Variants in PNPLA7 observed in about 807,000 individuals in gnomAD.
PNPLA7 encodes the protein patatin like domain 7, lysophospholipase.
In PNPLA7, 153 loss-of-function variants were observed where a neutral mutation model predicts 161.7. The observed-to-expected ratio is 0.95, with a 90% confidence interval of 0.83 to 1.08. The LOEUF (loss-of-function observed/expected upper bound fraction) is 1.08. Ranked by LOEUF, PNPLA7 falls within the 50% of genes least tolerant of loss-of-function variation. The probability of loss-of-function intolerance (pLI) is 0.00; values close to 1 mark genes in which losing one functional copy is unlikely to be tolerated. For synonymous variants in PNPLA7, 809 were observed against 782.1 expected (o/e 1.03, Z -0.57); for missense variants, 1,739 against 1,856.6 (o/e 0.94, Z 1.16).
rs1415418226 is a variant in PNPLA7, at chr9:137,464,355, C to T, written c.3141G>A (p.Lys1047=). The T allele has an allele frequency of 1.2e-6, 2 of 1,613,716 alleles. No homozygotes were observed. The highest frequency in any genetic ancestry group is 1.7e-6 in the Non-Finnish European group (2 of 1,179,950). ...GFNSSIFSVF[K]DQQIEDLWIP... is the part of the protein sequence containing the mutation. ...GGGGGTGCACCTCGATCTGCTGGTC[C>T]TTGAAGACGCTGAAGATGCTGCTGT... is the stretch of plus-strand genomic sequence containing the variant. The change falls in exon 27 of 35, where the codon AAG becomes AAA. Residue 1047 remains lysine, a synonymous_variant. Coordinates refer to ENST00000406427, the MANE Select transcript of PNPLA7 (RefSeq NM_001098537.3).
At chr9:137,549,312 A>C (rs1398924031) in intron 1 of PNPLA7, among the ~76,000 whole-genome samples, 2 of 151,934 alleles carry the variant, frequency 1.3e-5, no homozygotes, top group Non-Finnish European at 2.9e-5. Flanking sequence ...TCATGCCTGT[A>C]ATCCCTGCAC....
intron 34 of PNPLA7, 45 bp from the exon 35 acceptor site, chr9:137,460,521 G>A (rs755058595): frequency 6.2e-7 from 1 of 1,603,874 alleles, no homozygotes; most frequent in Non-Finnish European, 8.5e-7. Context: ...GGCAGGGCAG[G>A]GGCTCTGCAG....
At chr9:137,474,626 A>G (rs1316119051) in intron 25 of PNPLA7, among the ~76,000 whole-genome samples, 1 of 152,172 alleles carries the variant, frequency 6.6e-6, no homozygotes, top group Non-Finnish European at 1.5e-5. Flanking sequence ...AATCTTCCAG[A>G]AAGTGGAACA....
In PNPLA7 at chr9:137,513,586, G is replaced by A. The variant is rs371950596; in HGVS notation, c.1225+1793C>T. ...ATAAGACCCAAAACACAAATCACAG[G>A]TGCCAAGGCAAAAAGCTGGCTTTCC... On this transcript the variant is annotated intron_variant, in intron 12 of 34. Transcript: ENST00000406427. Among the ~76,000 whole-genome samples, 22 of 152,270 alleles carry A rather than the reference G, an allele frequency of 1.4e-4. No individual in the cohort carries two copies. In the South Asian group the frequency reaches 4.1e-3, roughly 29 times the overall value.
intron 14 of PNPLA7, among the ~76,000 whole-genome samples, chr9:137,503,756 A>AG (rs372027039): frequency 7.0e-5 from 5 of 71,914 alleles, no homozygotes; most frequent in African/African-American, 3.0e-4. Flanking sequence ...AGAAGAAAGA[A>AG]AAGAAAGAAA....
intron 20 of PNPLA7, among the ~76,000 whole-genome samples, chr9:137,489,229 T>C (rs1832652283): frequency 6.6e-6 from 1 of 152,218 alleles, no homozygotes. Flanking sequence ...GTCTGAGAGC[T>C]GAAGATGGCG....
intron 21 of PNPLA7, among the ~76,000 whole-genome samples, chr9:137,483,525 G>T (rs947222562): frequency 1.3e-5 from 2 of 152,042 alleles, no homozygotes; most frequent in African/African-American, 4.8e-5. Flanking sequence ...TGCGATCTAG[G>T]CTCACTGCAA....
chr9:137,481,890 C>G lies in PNPLA7; in HGVS notation c.2348-867G>C, dbSNP rs572012734. On this transcript the variant is annotated intron_variant, in intron 21 of 34. Transcript: ENST00000406427. Reference sequence around the variant, plus strand: ...GGTGGAGCTTGCAGTGAGCTGAGATCGCGCCACTGCACTCCAGCCTGGACA... The same window carrying G: ...GGTGGAGCTTGCAGTGAGCTGAGATGGCGCCACTGCACTCCAGCCTGGACA... Among the ~76,000 whole-genome samples, 3 of 152,218 alleles carry G rather than the reference C, an allele frequency of 2.0e-5. No individual in the cohort carries two copies. The South Asian group carries it at 6.2e-4, about 32-fold the overall frequency.
chr9:137,549,061 T>C (rs1357470321), intron 1 of PNPLA7, among the ~76,000 whole-genome samples: 1 of 152,256 alleles, frequency 6.6e-6, no homozygotes, highest in Admixed American at 6.5e-5. Flanking sequence ...GCCCGTGACC[T>C]GGTCACAGGC....
intron 12 of PNPLA7, among the ~76,000 whole-genome samples, chr9:137,513,671 T>C (rs903616625): frequency 1.3e-5 from 2 of 151,762 alleles, no homozygotes; most frequent in African/African-American, 4.8e-5. Context: ...TTCCAGCCCA[T>C]GGACAAGAGG....
chr9:137,548,727 G>A (rs1444659660), intron 1 of PNPLA7, among the ~76,000 whole-genome samples: 5 of 152,110 alleles, frequency 3.3e-5, no homozygotes, highest in African/African-American at 7.2e-5. Context: ...CAGCCTGGGC[G>A]ACAGAGCGAG....
intron 9 of PNPLA7, among the ~76,000 whole-genome samples, chr9:137,522,325 C>CCTT (rs1564349976): frequency 2.1e-5 from 3 of 145,620 alleles, no homozygotes; most frequent in African/African-American, 7.7e-5. Context: ...CCGCCCACCT[C>CCTT]GGCCTCCCAC....
chr9:137,501,799 C>T, intron 14 of PNPLA7, 72 bp from the exon 15 acceptor site: 1 of 1,484,306 alleles, frequency 6.7e-7, no homozygotes, highest in Non-Finnish European at 9.3e-7. Flanking sequence ...AGAGGCTGCA[C>T]TGGGCTGTTC....
chr9:137,515,660 C>T (rs1834498364), intron 11 of PNPLA7, 141 bp from the exon 12 acceptor site: 1 of 1,100,762 alleles, frequency 9.1e-7, no homozygotes, highest in African/African-American at 1.6e-5. Flanking sequence ...CCACCGGCCA[C>T]CAGGCCTCTG....
At position 137,490,864 on chromosome 9, in the gene PNPLA7, A is replaced by T. The variant is rs955333712; in HGVS notation, c.2197+2149T>A. Among the ~76,000 whole-genome samples, 4 of 152,316 alleles carry T rather than the reference A, an allele frequency of 2.6e-5. No individual in the cohort carries two copies. Among genetic ancestry groups the T allele is most frequent in the African/African-American group, 7.2e-5 (3 of 41,562 alleles). On this transcript the variant is annotated intron_variant, in intron 20 of 34. Coordinates refer to ENST00000406427, the MANE Select transcript of PNPLA7 (RefSeq NM_001098537.3). The surrounding 1 kb of genome is among the most constrained non-coding windows in gnomAD (Gnocchi z 4.1). ...GGGCTACAGTTTGACAAAATTACAG[A>T]GGTAATAGTTAAGACAACCACATCA...
At chr9:137,504,140 AAAG>A (rs1243153546) in intron 14 of PNPLA7, among the ~76,000 whole-genome samples, 1 of 139,444 alleles carries the variant, frequency 7.2e-6, no homozygotes, top group Admixed American at 7.2e-5. Flanking sequence ...GAAGAAGAAA[AAAG>A]AAAGGAAGAA....
rs1448180959 is a variant in PNPLA7 at position 137,490,470 on chromosome 9, T to C, written c.2197+2543A>G. 6.6e-6 allele frequency among the ~76,000 whole-genome samples: 1 copy of C among 152,192 alleles called. No individual in the cohort carries two copies. Among genetic ancestry groups the C allele is most frequent in the Admixed American group, 6.5e-5 (1 of 15,278 alleles). On this transcript the variant is annotated intron_variant, in intron 20 of 34. Coordinates refer to ENST00000406427, the MANE Select transcript of PNPLA7 (RefSeq NM_001098537.3). This position sits in a 1 kb window ranked among gnomAD's most constrained non-coding sequence, Gnocchi z 4.1. Reference sequence around the variant, plus strand: ...AACATCTGGATACCTGGATCCTTCATGAGAAGCAACAGAGGCCATGAGGAA... The same window carrying C: ...AACATCTGGATACCTGGATCCTTCACGAGAAGCAACAGAGGCCATGAGGAA...
In PNPLA7 at chr9:137,493,099, G is replaced by A; in HGVS notation, c.2128-17C>T. ...AGTCACCACCTGCGGGCAGACACAG[G>A]AGCCAAGAGCCACACGTTTTAAACT... On this transcript the variant is annotated splice_polypyrimidine_tract_variant and intron_variant, in intron 19 of 34. Coordinates refer to ENST00000406427, the MANE Select transcript of PNPLA7 (RefSeq NM_001098537.3). 6.2e-7 allele frequency: 1 copy of A among 1,613,370 alleles called. No individual in the cohort carries two copies. The highest frequency in any genetic ancestry group is 8.5e-7 in the Non-Finnish European group (1 of 1,179,574).
At chr9:137,482,046 GC>G (rs1832247909) in intron 21 of PNPLA7, among the ~76,000 whole-genome samples, 1 of 152,182 alleles carries the variant, frequency 6.6e-6, no homozygotes, top group South Asian at 2.1e-4. Flanking sequence ...GAACTAGAAT[GC>G]CCCCTGGGCT....
Sources: allele counts gnomAD v4.1 joint callset (sites outside exome capture counted in the v4.1 genomes callset), GRCh38; gene constraint gnomAD v4.1.1; non-coding constraint Gnocchi (gnomAD v3.1); transcripts MANE v1.5; gene names NCBI Gene and HGNC (gene_info 2026-07-23, HGNC 2026-07-21).